WDR62: variants seen among roughly 807,000 people sequenced by gnomAD.
The protein encoded by WDR62 is WD repeat-containing protein 62.
Under a neutral mutation model 160.6 loss-of-function variants are expected in WDR62, and 112 were observed. The ratio of observed to expected loss-of-function variants is 0.70; its 90% CI spans 0.60 to 0.82. WDR62 has a LOEUF of 0.82. WDR62 is among the 40% of genes least tolerant of loss of function. The probability of loss-of-function intolerance (pLI) is 0.00; values close to 1 mark genes in which losing one functional copy is unlikely to be tolerated. For missense variants in WDR62, 1,819 were observed against 1,983.8 expected (o/e 0.92, Z 1.58); for synonymous variants, 792 against 815.1 (o/e 0.97, Z 0.48).
intron 7 of WDR62, 41 bp from the exon 8 acceptor site, chr19:36,071,515 G>T (rs373611966): frequency 6.2e-7 from 1 of 1,614,044 alleles, no homozygotes; most frequent in South Asian, 1.1e-5. Flanking sequence ...GCCAGGCCAC[G>T]TGAAGCACCA....
At chr19:36,105,952 G>C (rs534116758), downstream of WDR62, among the ~76,000 whole-genome samples, 812 of 152,262 alleles carry the variant, frequency 5.3e-3, 9 homozygotes, top group Middle Eastern at 0.014. Flanking sequence ...GCCCACCTCG[G>C]CCTCCCAAAG....
intron 29 of WDR62, 64 bp from the exon 30 acceptor site, chr19:36,103,279 G>GCC: frequency 6.2e-7 from 1 of 1,611,942 alleles, no homozygotes; most frequent in South Asian, 1.1e-5. Context: ...CCTAGCTGTG[G>GCC]GGCGTGGGGG....
At chr19:36,078,064 G>A (rs1971677349) in intron 9 of WDR62, among the ~76,000 whole-genome samples, 1 of 151,988 alleles carries the variant, frequency 6.6e-6, no homozygotes, top group African/African-American at 2.4e-5. Context: ...TTTGTTCTCT[G>A]TTATCAGTTG....
chr19:36,071,790 A>G, intron 8 of WDR62, 74 bp downstream of exon 8: 1 of 1,536,580 alleles, frequency 6.5e-7, no homozygotes, highest in Non-Finnish European at 8.8e-7. Context: ...CCATGCTTCC[A>G]GATCCATCTA....
intron 5 of WDR62, among the ~76,000 whole-genome samples, chr19:36,066,976 C>T (rs1472278915): frequency 1.3e-5 from 2 of 152,146 alleles, no homozygotes; most frequent in Non-Finnish European, 2.9e-5. Context: ...AGCAGGAGCC[C>T]CATCTGTGAC....
intron 10 of WDR62, chr19:36,081,794 T>C (rs944565803): frequency 1.5e-6 from 1 of 678,902 alleles, no homozygotes; most frequent in Non-Finnish European, 2.7e-6. Flanking sequence ...TCTTTGCCAG[T>C]TGGCTCCTGC....
intron 9 of WDR62, among the ~76,000 whole-genome samples, chr19:36,080,117 T>TA (rs897489261): frequency 6.6e-5 from 10 of 151,474 alleles, no homozygotes; most frequent in Admixed American, 1.3e-4. Flanking sequence ...TTTTTATTAT[T>TA]TTTTTTTTGA....
At chr19:36,060,309 G>A (rs1298640942) in intron 3 of WDR62, 1 of 483,268 alleles carries the variant, frequency 2.1e-6, no homozygotes, top group African/African-American at 1.9e-5. Flanking sequence ...AATGATGGAG[G>A]ATGTCTTCGG....
At position 36,063,222 on chromosome 19, in the gene WDR62, C is replaced by T. The variant is rs561460884; in HGVS notation, c.333-2736C>T. Among the ~76,000 whole-genome samples the T allele has an allele frequency of 3.9e-5, 6 of 152,056 alleles. No individual in the cohort carries two copies. In the South Asian group the frequency reaches 1.0e-3, roughly 26 times the overall value. On this transcript the variant is annotated intron_variant, in intron 3 of 31. Coordinates refer to ENST00000401500, the MANE Select transcript of WDR62 (RefSeq NM_001083961.2). ...CCTCCCAAAGTGCTGGGATTACAGG[C>T]GTGAGCCACAGCACCTGGCCACTTT...
rs1973195995 is a variant in WDR62, at chr19:36,099,538, C to A, written c.2660C>A (p.Thr887Asn). 1.2e-6 allele frequency: 2 copies of A among 1,614,206 alleles called. No homozygotes were observed. The highest frequency in any genetic ancestry group is 1.7e-6 in the Non-Finnish European group (2 of 1,180,032). The change falls in exon 22 of 32, where the codon ACC becomes AAC. Residue 887 changes from threonine (T) to asparagine (N), a missense_variant. Coordinates refer to ENST00000401500, the MANE Select transcript of WDR62 (RefSeq NM_001083961.2). Reference protein sequence around the residue: ...LDAQDLDCYFTPMKPESLENS... With the variant: ...LDAQDLDCYFNPMKPESLENS... ...GCCCAGGACCTGGATTGCTACTTTACCCCCATGAAGCCCGAGAGTCTGGAG... is the reference window on the plus strand; with the variant it reads ...GCCCAGGACCTGGATTGCTACTTTAACCCCATGAAGCCCGAGAGTCTGGAG...
At chr19:36,077,762 AT>A (rs1444545346) in intron 9 of WDR62, among the ~76,000 whole-genome samples, 3 of 151,232 alleles carry the variant, frequency 2.0e-5, no homozygotes, top group Non-Finnish European at 4.4e-5. Flanking sequence ...TGCCTGATGA[AT>A]TTTTTGTATT....
chr19:36,072,817 C>T (rs895817713), intron 8 of WDR62, among the ~76,000 whole-genome samples: 2 of 152,164 alleles, frequency 1.3e-5, no homozygotes, highest in African/African-American at 4.8e-5. Context: ...TCCGTTTTCT[C>T]ATGTGTAAAA....
Position 36,059,950 on chromosome 19 carries a change from T to G in WDR62, c.270-18T>G, listed in dbSNP as rs1418045622. Reference sequence around the variant, plus strand: ...AACACTCCCCACAGTTGAGGCACATTTTCCTCTTTCTTCCCAGCTGTGTGG... The same window carrying G: ...AACACTCCCCACAGTTGAGGCACATGTTCCTCTTTCTTCCCAGCTGTGTGG... On this transcript the variant is annotated intron_variant, in intron 2 of 31. Transcript: ENST00000401500. The G allele has an allele frequency of 1.2e-6, 2 of 1,614,026 alleles. No individual in the cohort carries two copies. Among genetic ancestry groups the G allele is most frequent in the East Asian group, 4.5e-5 (2 of 44,870 alleles).
chr19:36,107,198 CTG>C (rs1314189566), downstream of WDR62, among the ~76,000 whole-genome samples: 10 of 152,208 alleles, frequency 6.6e-5, no homozygotes. Context: ...CTGTTATCCT[CTG>C]TGAGCAAGCT....
chr19:36,058,973 G>A lies in WDR62; in HGVS notation c.269+102G>A, dbSNP rs531993096. The A allele has an allele frequency of 4.1e-6, 4 of 970,150 alleles. No homozygotes were observed. The South Asian group carries it at 4.2e-5, about 10-fold the overall frequency. 60.1% of individuals were successfully genotyped at this position (970,150 alleles called of 1,614,324 possible). On this transcript the variant is annotated intron_variant, in intron 2 of 31. Transcript: ENST00000401500. The stretch of plus-strand genomic sequence containing the variant: ...GCTCTGAGCCTCATATTTTTCACCT[G>A]TAGAATGTGGAGAATGGGGCCTGCC...
chr19:36,060,366 C>G (rs528347895), intron 3 of WDR62: 2 of 338,262 alleles, frequency 5.9e-6, no homozygotes, highest in Admixed American at 7.8e-5. Context: ...TCAGAAGGCT[C>G]AGGGAACGCT....
At chr19:36,077,349 C>G (rs1411676298) in intron 9 of WDR62, among the ~76,000 whole-genome samples, 1 of 145,082 alleles carries the variant, frequency 6.9e-6, no homozygotes, top group Non-Finnish European at 1.5e-5. Flanking sequence ...GGCACGATCT[C>G]GGCTCACTGC....
At chr19:36,101,809 C>T (rs1973361716) in intron 25 of WDR62, 35 bp downstream of exon 25, 1 of 1,535,012 alleles carries the variant, frequency 6.5e-7, no homozygotes, top group African/African-American at 1.4e-5. Context: ...GGACTCGCTG[C>T]TCGGGCCTGG....
intron 20 of WDR62, among the ~76,000 whole-genome samples, 194 bp downstream of exon 20, chr19:36,094,358 A>G (rs980978568): frequency 6.6e-6 from 1 of 152,090 alleles, no homozygotes; most frequent in African/African-American, 2.4e-5. Flanking sequence ...GTTGGAGACC[A>G]GCCTGACCAA....
Sources: gnomAD v4.1 joint callset for allele counts (sites outside exome capture counted in the v4.1 genomes callset) on GRCh38, gnomAD v4.1.1 for gene constraint, MANE v1.5 for transcripts, NCBI Gene and HGNC (gene_info 2026-07-23, HGNC 2026-07-21) for gene names.